Variants in DLG2 observed in about 807,000 individuals in gnomAD.
DLG2 encodes disks large homolog 2.
A neutral mutation model predicts 132.5 loss-of-function variants in DLG2; 45 were observed. The ratio of observed to expected loss-of-function variants is 0.34; its 90% CI spans 0.27 to 0.44. The LOEUF (loss-of-function observed/expected upper bound fraction) is 0.44, where lower values mean the gene tolerates loss of function less well. Among genes scored for constraint, DLG2 ranks in the 20% least tolerant of loss-of-function variants. DLG2 has a pLI of 1.00. For missense variants in DLG2, 1,045 were observed against 1,196.9 expected, an observed-to-expected ratio of 0.87 and a Z score of 1.87; for synonymous variants, 424 against 419.6, an observed-to-expected ratio of 1.01 and a Z score of -0.13.
rs905370365 is a variant in DLG2 at position 84,625,070 on chromosome 11, C to T, written c.358-90339G>A. ...AGAGACGGGGTTTCACCGTTTTAGC[C>T]GGGATGGTCTCGATCTCCTGACCTC... On this transcript the variant is annotated intron_variant, in intron 6 of 27. Coordinates refer to ENST00000376104, the MANE Select transcript of DLG2 (RefSeq NM_001142699.3). 6.0e-5 allele frequency among the ~76,000 whole-genome samples: 9 copies of T among 150,956 alleles called. No homozygotes were observed. In the South Asian group the frequency reaches 1.5e-3, roughly 25 times the overall value.
intron 6 of DLG2, among the ~76,000 whole-genome samples, chr11:84,626,532 A>C (rs2099622758): frequency 6.6e-6 from 1 of 152,220 alleles, no homozygotes; most frequent in Non-Finnish European, 1.5e-5. Context: ...TGAAGGTGGC[A>C]GAGCTTCTTG....
At chr11:83,511,031 G>GAAAAA (rs33969673) in intron 21 of DLG2, among the ~76,000 whole-genome samples, 2 of 129,904 alleles carry the variant, frequency 1.5e-5, no homozygotes, top group African/African-American at 5.8e-5. Flanking sequence ...TACGTTTTGA[G>GAAAAA]AAAAAAAAAA....
At chr11:83,761,982 C>A (rs113992841) in intron 18 of DLG2, among the ~76,000 whole-genome samples, 1 of 152,226 alleles carries the variant, frequency 6.6e-6, no homozygotes, top group African/African-American at 2.4e-5. Context: ...ACCAACAAAC[C>A]GTGAGAAGAA....
rs540782692 is a variant in DLG2, at chr11:85,599,646, C to A, written c.-92-858G>T. On this transcript the variant is annotated intron_variant, in intron 2 of 27. Coordinates refer to ENST00000376104, the MANE Select transcript of DLG2 (RefSeq NM_001142699.3). ...CAATATCCAGCACACAGAAAATAAT[C>A]AAGTAAGTCAACTGAACACCTACTT... Among the ~76,000 whole-genome samples the A allele has an allele frequency of 1.1e-4, 16 of 152,248 alleles. 1 individual carries two copies. In the South Asian group the frequency reaches 3.3e-3, roughly 32 times the overall value.
chr11:84,903,076 A>T (rs1031388160), intron 6 of DLG2, among the ~76,000 whole-genome samples: 1 of 151,734 alleles, frequency 6.6e-6, no homozygotes, highest in Non-Finnish European at 1.5e-5. Flanking sequence ...CCATCTTCCA[A>T]CTCTCCTGTG....
chr11:83,556,739 T>G (rs1196986063), intron 19 of DLG2, among the ~76,000 whole-genome samples: 1 of 152,204 alleles, frequency 6.6e-6, no homozygotes, highest in Non-Finnish European at 1.5e-5. Context: ...AACCTGAAGT[T>G]GGCCAGTCAG....
intron 6 of DLG2, among the ~76,000 whole-genome samples, chr11:84,842,273 A>G (rs921512432): frequency 8.6e-5 from 13 of 151,962 alleles, no homozygotes; most frequent in African/African-American, 3.1e-4. Flanking sequence ...TTCTCATAAC[A>G]ATCTTGCTTG....
chr11:83,897,118 G>A (rs9667733), intron 15 of DLG2, among the ~76,000 whole-genome samples: 2 of 152,060 alleles, frequency 1.3e-5, no homozygotes, highest in African/African-American at 2.4e-5. Flanking sequence ...GTTTAGTCAC[G>A]CTTTCCTCTC....
At chr11:84,538,326 T>C (rs1464472171) in intron 6 of DLG2, among the ~76,000 whole-genome samples, 2 of 152,214 alleles carry the variant, frequency 1.3e-5, no homozygotes. Context: ...GCAGATGCTA[T>C]TGTGTCCCCA....
chr11:84,773,411 A>G (rs530889377), intron 6 of DLG2, among the ~76,000 whole-genome samples: 5 of 152,302 alleles, frequency 3.3e-5, no homozygotes, highest in African/African-American at 1.2e-4. Context: ...ACTCCTCCCT[A>G]ACTCATTCTA....
intron 7 of DLG2, among the ~76,000 whole-genome samples, chr11:84,506,926 G>A (rs1391791785): frequency 6.6e-6 from 1 of 152,166 alleles, no homozygotes; most frequent in Admixed American, 6.5e-5. Flanking sequence ...GGGCAACCAT[G>A]GCTTAAAGGT....
At chr11:85,103,496 G>A (rs965814866) in intron 6 of DLG2, among the ~76,000 whole-genome samples, 3 of 151,886 alleles carry the variant, frequency 2.0e-5, no homozygotes, top group Non-Finnish European at 2.9e-5. Flanking sequence ...GGGACAACTC[G>A]ATGGAGGAAA....
intron 21 of DLG2, among the ~76,000 whole-genome samples, chr11:83,485,507 C>A (rs2093443597): frequency 6.6e-6 from 1 of 152,098 alleles, no homozygotes; most frequent in South Asian, 2.1e-4. Flanking sequence ...AAAATCACTC[C>A]CCAAGGATCA....
chr11:83,598,506 T>G (rs1030631548), intron 19 of DLG2, among the ~76,000 whole-genome samples: 1 of 152,240 alleles, frequency 6.6e-6, no homozygotes, highest in African/African-American at 2.4e-5. Context: ...GCTGGCCGTG[T>G]GATCTTCAAA....
At chr11:85,315,152 T>G (rs747827810) in intron 3 of DLG2, among the ~76,000 whole-genome samples, 1 of 151,974 alleles carries the variant, frequency 6.6e-6, no homozygotes, top group Non-Finnish European at 1.5e-5. Flanking sequence ...AGGAATTAAG[T>G]AACAGCACCA....
At chr11:85,060,455 A>ATG (rs111687482) in intron 6 of DLG2, among the ~76,000 whole-genome samples, 8 of 148,386 alleles carry the variant, frequency 5.4e-5, no homozygotes, top group African/African-American at 1.3e-4. Context: ...GCATATGCAT[A>ATG]TGTGTGTGTG....
chr11:84,388,235 G>C (rs950509303), intron 7 of DLG2, among the ~76,000 whole-genome samples: 1 of 152,100 alleles, frequency 6.6e-6, no homozygotes, highest in African/African-American at 2.4e-5. Flanking sequence ...GCGGATGGCC[G>C]TGTCATTAAT....
In DLG2 at chr11:84,841,524, T is replaced by C. The variant is rs187166799; in HGVS notation, c.357+270137A>G. On this transcript the variant is annotated intron_variant, in intron 6 of 27. Coordinates refer to ENST00000376104, the MANE Select transcript of DLG2 (RefSeq NM_001142699.3). ...AACATCAGTATAAATTTCTAAGTTT[T>C]TCATCTGTTTTGTTTACCTATTTTT... is the stretch of plus-strand genomic sequence containing the variant. Among the ~76,000 whole-genome samples, 438 of 152,144 alleles carry C rather than the reference T, an allele frequency of 2.9e-3. 3 individuals are homozygous for C. The highest frequency in any genetic ancestry group is 0.01 in the African/African-American group (426 of 41,564).
intron 6 of DLG2, among the ~76,000 whole-genome samples, chr11:84,973,782 G>T (rs886109031): frequency 1.3e-5 from 2 of 152,022 alleles, no homozygotes; most frequent in Admixed American, 6.6e-5. Context: ...AGTACAAAGT[G>T]GCCATACATA....
Sources: gnomAD v4.1 joint callset for allele counts (sites outside exome capture counted in the v4.1 genomes callset) on GRCh38, gnomAD v4.1.1 for gene constraint, MANE v1.5 for transcripts, NCBI Gene and HGNC (gene_info 2026-07-23, HGNC 2026-07-21) for gene names.